TASP1: variants seen among roughly 807,000 people sequenced by gnomAD.
TASP1 encodes taspase 1, also known as threonine aspartase 1.
Under a neutral mutation model 56.6 loss-of-function variants are expected in TASP1, and 16 were observed. The ratio of observed to expected loss-of-function variants is 0.28; its 90% CI spans 0.19 to 0.43. The LOEUF is 0.43. Among genes scored for constraint, TASP1 ranks in the 20% least tolerant of loss-of-function variants. The pLI is 1.00. For synonymous variants in TASP1, 179 were observed against 184.2 expected, an observed-to-expected ratio of 0.97 and a Z score of 0.23; for missense variants, 393 against 511.6, an observed-to-expected ratio of 0.77 and a Z score of 2.24.
At chr20:13,609,008 AT>A (rs1028665998) in intron 4 of TASP1, among the ~76,000 whole-genome samples, 16 of 152,166 alleles carry the variant, frequency 1.1e-4, no homozygotes, top group Non-Finnish European at 1.5e-4. Context: ...TTTATTTATC[AT>A]TTTTTTGGAC....
the TASP1 span, among the ~76,000 whole-genome samples, chr20:13,203,438 A>C: frequency 1.3e-5 from 2 of 152,238 alleles, no homozygotes; most frequent in Non-Finnish European, 2.9e-5. Context: ...CAAACACTCA[A>C]TTTAGTTCAT....
chr20:13,179,028 ACC>A, the TASP1 span, among the ~76,000 whole-genome samples: 1 of 152,172 alleles, frequency 6.6e-6, no homozygotes, highest in Non-Finnish European at 1.5e-5. Context: ...ATCACTATGT[ACC>A]CCATGAATAT....
the TASP1 span, among the ~76,000 whole-genome samples, chr20:13,314,741 T>C: frequency 6.6e-6 from 1 of 152,156 alleles, no homozygotes; most frequent in Admixed American, 6.5e-5. Context: ...GTTATTTTTC[T>C]CTTTCTTGAT....
At chr20:13,285,608 T>G in the TASP1 span, among the ~76,000 whole-genome samples, 5 of 152,324 alleles carry the variant, frequency 3.3e-5, no homozygotes, top group East Asian at 7.7e-4. Context: ...ATACCTCAGC[T>G]GGCATCCTAT....
At chr20:13,307,572 C>T in the TASP1 span, among the ~76,000 whole-genome samples, 1 of 152,174 alleles carries the variant, frequency 6.6e-6, no homozygotes, top group Non-Finnish European at 1.5e-5. Context: ...AACCAGCACT[C>T]CCATGCCCCC....
intron 4 of TASP1, among the ~76,000 whole-genome samples, chr20:13,602,424 G>C (rs898034221): frequency 1.3e-5 from 2 of 152,176 alleles, no homozygotes; most frequent in Non-Finnish European, 2.9e-5. Context: ...TCTGAACGAA[G>C]TATGGATGTC....
At chr20:13,279,042 G>T in the TASP1 span, among the ~76,000 whole-genome samples, 1 of 152,158 alleles carries the variant, frequency 6.6e-6, no homozygotes, top group African/African-American at 2.4e-5. Context: ...GAATCACATG[G>T]CTAATGCAGA....
At chr20:13,481,807 A>T (rs956141537) in intron 11 of TASP1, among the ~76,000 whole-genome samples, 1 of 151,806 alleles carries the variant, frequency 6.6e-6, no homozygotes, top group Non-Finnish European at 1.5e-5. Flanking sequence ...GGCTCCTTAT[A>T]TATTCTGGTT....
At chr20:13,236,128 T>G in the TASP1 span, among the ~76,000 whole-genome samples, 1 of 152,086 alleles carries the variant, frequency 6.6e-6, no homozygotes, top group Non-Finnish European at 1.5e-5. Context: ...TTTCACCATG[T>G]TGGCCAGAAT....
the TASP1 span, among the ~76,000 whole-genome samples, chr20:13,284,700 G>C: frequency 6.6e-6 from 1 of 152,220 alleles, no homozygotes; most frequent in Admixed American, 6.5e-5. Flanking sequence ...GAAAGCTTCA[G>C]GGGAGTGAGC....
At position 13,560,039 on chromosome 20, in the gene TASP1, T is replaced by C. The variant is rs556856559; in HGVS notation, c.569-925A>G. 3.5e-4 allele frequency among the ~76,000 whole-genome samples: 54 copies of C among 152,250 alleles called. 3 individuals are homozygous for C. The highest frequency in any genetic ancestry group is 1.3e-3 in the African/African-American group (53 of 41,556). ...AAAACAGGATTAAGCAGCAAGATGATAAACTGACTAGGCTGAATTGAAGAA... is the reference window on the plus strand; with the variant it reads ...AAAACAGGATTAAGCAGCAAGATGACAAACTGACTAGGCTGAATTGAAGAA... On this transcript the variant is annotated intron_variant, in intron 7 of 13. Coordinates refer to ENST00000337743, the MANE Select transcript of TASP1 (RefSeq NM_017714.3).
chr20:13,258,482 T>G, the TASP1 span, among the ~76,000 whole-genome samples: 2 of 152,142 alleles, frequency 1.3e-5, no homozygotes, highest in Admixed American at 1.3e-4. Context: ...AGTTACCCAC[T>G]TGGAGGGTGC....
chr20:13,170,793 A>G, the TASP1 span, among the ~76,000 whole-genome samples: 4 of 152,176 alleles, frequency 2.6e-5, no homozygotes, highest in African/African-American at 4.8e-5. Flanking sequence ...CTCTTACTTC[A>G]TTATGGGCCA....
chr20:13,153,940 A>G, the TASP1 span: 1 of 1,590,934 alleles, frequency 6.3e-7, no homozygotes. Flanking sequence ...TGCCAAGTTG[A>G]CCGGACCTTT....
chr20:13,397,703 T>A (rs181838233), intron 13 of TASP1, among the ~76,000 whole-genome samples: 1 of 152,350 alleles, frequency 6.6e-6, no homozygotes, highest in Non-Finnish European at 1.5e-5. Context: ...AGAAATCGGT[T>A]TGAGCCTCAA....
rs773516539 is a variant in TASP1 at position 13,417,483 on chromosome 20, C to T, written c.1135G>A (p.Val379Ile). 4 of 1,614,170 alleles carry T rather than the reference C, an allele frequency of 2.5e-6. No homozygotes were observed. In the Admixed American group the frequency reaches 6.7e-5, roughly 27 times the overall value. Residue 379 changes from valine (V) to isoleucine (I), a missense_variant, in exon 13 of 14, where the codon GTC (valine) becomes ATC (isoleucine). By Grantham distance (29) the Val-to-Ile change is conservative. Coordinates refer to ENST00000337743, the MANE Select transcript of TASP1 (RefSeq NM_017714.3). ...LWSHTTESMC[V>I]GYMSAQDGKA... Reference sequence around the variant, plus strand: ...CCATCCTGGGCTGACATATATCCGACACACATGCTCTCCGTCGTGTGGCTC... The same window carrying T: ...CCATCCTGGGCTGACATATATCCGATACACATGCTCTCCGTCGTGTGGCTC...
the TASP1 span, among the ~76,000 whole-genome samples, chr20:13,204,799 G>A: frequency 2.0e-5 from 3 of 152,172 alleles, no homozygotes; most frequent in Non-Finnish European, 2.9e-5. Context: ...GATATATTTT[G>A]TAAGTAGTGA....
chr20:13,249,951 T>C, the TASP1 span, among the ~76,000 whole-genome samples: 1 of 152,232 alleles, frequency 6.6e-6, no homozygotes, highest in Non-Finnish European at 1.5e-5. Flanking sequence ...ATGTAATGTT[T>C]CCTTTCCAAA....
the TASP1 span, among the ~76,000 whole-genome samples, chr20:13,193,861 A>G: frequency 6.6e-6 from 1 of 152,202 alleles, no homozygotes; most frequent in Non-Finnish European, 1.5e-5. Flanking sequence ...GTCCCACCTT[A>G]AGAGGAAAGT....
Sources: allele counts gnomAD v4.1 joint callset (sites outside exome capture counted in the v4.1 genomes callset), GRCh38; gene constraint gnomAD v4.1.1; transcripts MANE v1.5; gene names NCBI Gene and HGNC (gene_info 2026-07-23, HGNC 2026-07-21).